The following ATP8A2 variants were observed in gnomAD, a reference collection of about 807,000 sequenced individuals.
ATP8A2 encodes the protein ATPase phospholipid transporting 8A2.
A neutral mutation model predicts 165.6 loss-of-function variants in ATP8A2; 100 were observed. That is an observed-to-expected ratio of 0.60 (90% CI 0.51 to 0.71). The LOEUF (loss-of-function observed/expected upper bound fraction) is 0.71, where lower values mean the gene tolerates loss of function less well. Among genes scored for constraint, ATP8A2 ranks in the 30% least tolerant of loss-of-function variants. ATP8A2 has a pLI of 0.00. For synonymous variants in ATP8A2, 543 were observed against 548.8 expected (o/e 0.99, Z 0.15); for missense variants, 1,227 against 1,479.5 (o/e 0.83, Z 2.80).
intron 25 of ATP8A2, among the ~76,000 whole-genome samples, chr13:25,724,662 C>G (rs895328888): frequency 2.6e-5 from 4 of 152,160 alleles, no homozygotes; most frequent in African/African-American, 9.7e-5. Flanking sequence ...CACATGCAGG[C>G]TGCTGTCTAG....
chr13:25,381,753 G>T lies in ATP8A2; in HGVS notation c.76+9465G>T, dbSNP rs114135220. ...TTCAGTGGAGATCTTGGCCTTCTAC[G>T]CGTGGGTATAGAGTGTGGCTGAAGA... On this transcript the variant is annotated intron_variant, in intron 1 of 36. Coordinates refer to ENST00000381655, the MANE Select transcript of ATP8A2 (RefSeq NM_016529.6). Among the ~76,000 whole-genome samples the T allele has an allele frequency of 4.8e-3, 735 of 152,174 alleles. 6 individuals are homozygous for T. The highest frequency in any genetic ancestry group is 0.017 in the African/African-American group (712 of 41,504).
chr13:25,865,526 TA>T, intron 33 of ATP8A2, among the ~76,000 whole-genome samples: 1 of 152,214 alleles, frequency 6.6e-6, no homozygotes, highest in Non-Finnish European at 1.5e-5. Flanking sequence ...CTAATTTGAT[TA>T]AATATTTCTT....
At chr13:25,598,182 A>G (rs2040287852) in intron 24 of ATP8A2, among the ~76,000 whole-genome samples, 1 of 152,212 alleles carries the variant, frequency 6.6e-6, no homozygotes, top group African/African-American at 2.4e-5. Context: ...TTGAGCATAT[A>G]TGTGACTCTT....
intron 1 of ATP8A2, among the ~76,000 whole-genome samples, chr13:25,397,795 A>G (rs1160413955): frequency 1.3e-5 from 2 of 152,192 alleles, no homozygotes; most frequent in Non-Finnish European, 2.9e-5. Context: ...GCATAAACCA[A>G]TACATATAAG....
At chr13:25,637,044 T>C (rs569745641) in intron 24 of ATP8A2, among the ~76,000 whole-genome samples, 1 of 129,420 alleles carries the variant, frequency 7.7e-6, no homozygotes, top group East Asian at 2.1e-4. Flanking sequence ...GAGTTGAGAT[T>C]GCACCACTAT....
At chr13:25,471,437 G>A (rs780828704) in intron 2 of ATP8A2, among the ~76,000 whole-genome samples, 30 of 149,446 alleles carry the variant, frequency 2.0e-4, no homozygotes, top group Non-Finnish European at 2.9e-4. Flanking sequence ...TGCAACCTCC[G>A]CCTCCTGGGT....
chr13:25,937,519 A>G lies in ATP8A2; in HGVS notation c.3184-24056A>G, dbSNP rs191917845. Among the ~76,000 whole-genome samples, 545 of 151,772 alleles carry G rather than the reference A, an allele frequency of 3.6e-3. 6 individuals carry two copies. The highest frequency in any genetic ancestry group is 0.011 in the South Asian group (55 of 4,792). ...GAAATATAAGAAGACAGTTCTATAT[A>G]AGCAAAAGAAATACCTCGGGGCCTT... On this transcript the variant is annotated intron_variant, in intron 33 of 36. Coordinates refer to ENST00000381655, the MANE Select transcript of ATP8A2 (RefSeq NM_016529.6).
intron 33 of ATP8A2, chr13:25,863,452 G>A (rs1450283515): frequency 6.6e-6 from 1 of 152,216 alleles, no homozygotes; most frequent in African/African-American, 2.4e-5. Flanking sequence ...GATGATGTTT[G>A]CACCGATGTT....
intron 26 of ATP8A2, among the ~76,000 whole-genome samples, chr13:25,770,532 C>T (rs1374841365): frequency 6.6e-6 from 1 of 152,168 alleles, no homozygotes; most frequent in Admixed American, 6.5e-5. Context: ...CTTGGGGAGA[C>T]TGATTTGAGT....
At chr13:25,638,519 C>T (rs1166614517) in intron 24 of ATP8A2, among the ~76,000 whole-genome samples, 1 of 151,996 alleles carries the variant, frequency 6.6e-6, no homozygotes, top group African/African-American at 2.4e-5. Context: ...GATTGAAGAT[C>T]AAATGAATGA....
chr13:25,958,301 T>A (rs547575178), intron 33 of ATP8A2, among the ~76,000 whole-genome samples: 23,806 of 150,160 alleles, frequency 0.16, 1,986 homozygotes, highest in Non-Finnish European at 0.17. Flanking sequence ...AGGTATAATT[T>A]AAAAAAAAAA....
At chr13:25,585,008 T>C (rs4072623) in intron 23 of ATP8A2, among the ~76,000 whole-genome samples, 90,999 of 151,976 alleles carry the variant, frequency 0.6, 28,881 homozygotes, top group Middle Eastern at 0.71. Flanking sequence ...ATCTCGTAGT[T>C]TGAGAATTTA....
At position 25,578,921 on chromosome 13, in the gene ATP8A2, T is replaced by C. The variant is rs192753452; in HGVS notation, c.1867+22T>C. 5.8e-5 allele frequency: 88 copies of C among 1,505,370 alleles called. 1 individual carries two copies. The African/African-American group carries it at 1.0e-3, about 17-fold the overall frequency. 93.3% of individuals were successfully genotyped at this position (1,505,370 alleles called of 1,614,324 possible). ...GAAGGTAAGTGGAATTTGGAAATGCTGTTTTTGGCCATTGGAGCTGTACTT... is the reference window on the plus strand; with the variant it reads ...GAAGGTAAGTGGAATTTGGAAATGCCGTTTTTGGCCATTGGAGCTGTACTT... On this transcript the variant is annotated intron_variant, in intron 21 of 36. Transcript: ENST00000381655.
chr13:25,497,686 C>T (rs574258602), intron 2 of ATP8A2, among the ~76,000 whole-genome samples: 19 of 152,224 alleles, frequency 1.2e-4, no homozygotes, highest in African/African-American at 4.3e-4. Context: ...GGCACGGTGG[C>T]TCATGCCTGT....
intron 24 of ATP8A2, among the ~76,000 whole-genome samples, chr13:25,590,901 TG>T (rs1199596202): frequency 6.6e-6 from 1 of 152,038 alleles, no homozygotes; most frequent in Non-Finnish European, 1.5e-5. Context: ...AAGGCACCAC[TG>T]GCAAGAGACC....
chr13:25,708,607 A>C (rs900602861), intron 25 of ATP8A2, among the ~76,000 whole-genome samples: 17 of 152,120 alleles, frequency 1.1e-4, no homozygotes, highest in Non-Finnish European at 7.4e-5. Context: ...ATAAAAAAAA[A>C]ACTCCATCCT....
At chr13:25,649,724 T>G (rs986259951) in intron 24 of ATP8A2, among the ~76,000 whole-genome samples, 9 of 152,254 alleles carry the variant, frequency 5.9e-5, no homozygotes, top group South Asian at 4.2e-4. Flanking sequence ...CTGTGGTGGT[T>G]GTTGTCCTCC....
intron 27 of ATP8A2, among the ~76,000 whole-genome samples, chr13:25,808,328 GTGGC>G (rs1302737128): frequency 6.6e-6 from 1 of 152,000 alleles, no homozygotes; most frequent in African/African-American, 2.4e-5. Context: ...GCCAGGCATG[GTGGC>G]TCACTCTTGT....
At chr13:25,404,537 A>G (rs937649456) in intron 1 of ATP8A2, among the ~76,000 whole-genome samples, 1 of 151,726 alleles carries the variant, frequency 6.6e-6, no homozygotes, top group African/African-American at 2.4e-5. Context: ...TAAGTGGGGG[A>G]ACACCCAGGG....
Sources: allele counts gnomAD v4.1 joint callset (sites outside exome capture counted in the v4.1 genomes callset), GRCh38; gene constraint gnomAD v4.1.1; transcripts MANE v1.5; gene names NCBI Gene and HGNC (gene_info 2026-07-23, HGNC 2026-07-21).